The following GNG12 variants were observed in gnomAD, a reference collection of about 807,000 sequenced individuals.
The protein encoded by GNG12 is guanine nucleotide-binding protein G(I)/G(S)/G(O) subunit gamma-12.
For synonymous variants in GNG12, 28 were observed against 29.7 expected (o/e 0.94, Z 0.19); for missense variants, 69 against 83.8 (o/e 0.82, Z 0.69).
intron 1 of GNG12, among the ~76,000 whole-genome samples, chr1:67,780,425 T>C (rs1306955131): frequency 6.6e-6 from 1 of 152,142 alleles, no homozygotes; most frequent in Non-Finnish European, 1.5e-5. Context: ...TCTCCTATAT[T>C]TTAGATTTCC....
At chr1:67,814,871 T>G (rs551235852) in intron 1 of GNG12, among the ~76,000 whole-genome samples, 8 of 152,346 alleles carry the variant, frequency 5.3e-5, no homozygotes, top group African/African-American at 1.9e-4. Flanking sequence ...CTGTCTTCTG[T>G]AAAATGAACT....
At chr1:67,818,950 C>A (rs1570574076) in intron 1 of GNG12, among the ~76,000 whole-genome samples, 1 of 152,116 alleles carries the variant, frequency 6.6e-6, no homozygotes, top group African/African-American at 2.4e-5. Context: ...ATCTTCATTA[C>A]TAGACTGCGA....
rs373000301 is a variant in GNG12 at position 67,781,484 on chromosome 1, G to A, written c.-76-3977C>T. Among the ~76,000 whole-genome samples the A allele has an allele frequency of 1.1e-4, 16 of 152,074 alleles. No individual in the cohort carries two copies. In the East Asian group the frequency reaches 1.7e-3, roughly 16 times the overall value. On this transcript the variant is annotated intron_variant, in intron 1 of 3. Coordinates refer to ENST00000370982, the MANE Select transcript of GNG12 (RefSeq NM_018841.6). ...GACTTGAGGCCTTTACATTGTAATC[G>A]GGGACAGCAAACAAACACGTATACA...
chr1:67,725,989 CTTG>C (rs767109743), intron 2 of GNG12, among the ~76,000 whole-genome samples: 2 of 152,166 alleles, frequency 1.3e-5, no homozygotes, highest in Non-Finnish European at 2.9e-5. Flanking sequence ...AAACAACTTG[CTTG>C]TTAAGTTTTA....
At chr1:67,709,982 A>ATG (rs1381577897) in intron 2 of GNG12, among the ~76,000 whole-genome samples, 1 of 48,478 alleles carries the variant, frequency 2.1e-5, no homozygotes, top group Non-Finnish European at 3.7e-5. Flanking sequence ...AGTTATATAT[A>ATG]TATAGTTATA....
intron 2 of GNG12, among the ~76,000 whole-genome samples, chr1:67,729,420 T>TTA (rs1194844702): frequency 6.6e-6 from 1 of 152,238 alleles, no homozygotes; most frequent in Non-Finnish European, 1.5e-5. Context: ...ATAGCTTTTA[T>TTA]TACAGTTATC....
intron 2 of GNG12, among the ~76,000 whole-genome samples, chr1:67,729,367 G>A (rs1461704430): frequency 3.3e-5 from 5 of 152,150 alleles, no homozygotes; most frequent in African/African-American, 9.7e-5. Flanking sequence ...TACACAGGAG[G>A]CCAGTTCTTT....
chr1:67,807,175 A>G (rs2100804244), intron 1 of GNG12, among the ~76,000 whole-genome samples: 1 of 152,258 alleles, frequency 6.6e-6, no homozygotes, highest in Non-Finnish European at 1.5e-5. Context: ...TAAACAACAC[A>G]CTTCTATAAA....
At chr1:67,736,053 T>C (rs544204098) in intron 2 of GNG12, among the ~76,000 whole-genome samples, 30 of 151,800 alleles carry the variant, frequency 2.0e-4, no homozygotes, top group Admixed American at 2.6e-4. Flanking sequence ...TTGCGGGGGG[T>C]AGATTCTCAT....
chr1:67,772,852 TG>T (rs1557612546), intron 2 of GNG12, among the ~76,000 whole-genome samples: 1 of 152,166 alleles, frequency 6.6e-6, no homozygotes, highest in Admixed American at 6.5e-5. Flanking sequence ...GCTAGAAGTA[TG>T]GCAAAAGAGG....
intron 2 of GNG12, among the ~76,000 whole-genome samples, chr1:67,729,810 T>C (rs1269335883): frequency 2.6e-5 from 4 of 152,214 alleles, no homozygotes; most frequent in Non-Finnish European, 5.9e-5. Context: ...TCCCAGGGCT[T>C]CCTGAGATAA....
chr1:67,780,470 T>A (rs1646731272), intron 1 of GNG12, among the ~76,000 whole-genome samples: 1 of 152,174 alleles, frequency 6.6e-6, no homozygotes, highest in African/African-American at 2.4e-5. Context: ...GTTTGCAGAA[T>A]CCCTGAAGGT....
intron 1 of GNG12, among the ~76,000 whole-genome samples, chr1:67,807,017 AAC>A (rs1330704283): frequency 2.0e-5 from 3 of 152,184 alleles, no homozygotes; most frequent in Admixed American, 6.5e-5. Context: ...AACAGTCACT[AAC>A]AGAGACCACA....
At chr1:67,803,045 C>T (rs935536433) in intron 1 of GNG12, among the ~76,000 whole-genome samples, 3 of 152,208 alleles carry the variant, frequency 2.0e-5, no homozygotes, top group African/African-American at 7.2e-5. Context: ...GGGGGTCTAA[C>T]GTGGGCATTC....
intron 1 of GNG12, among the ~76,000 whole-genome samples, chr1:67,825,316 A>G (rs1040110257): frequency 6.6e-6 from 1 of 152,174 alleles, no homozygotes; most frequent in East Asian, 1.9e-4. Context: ...TGCATCTTTT[A>G]GTTTTTTTCA....
At chr1:67,769,543 A>G (rs2100751707) in intron 2 of GNG12, among the ~76,000 whole-genome samples, 1 of 152,308 alleles carries the variant, frequency 6.6e-6, no homozygotes, top group African/African-American at 2.4e-5. Context: ...ACGTTCTCAG[A>G]TCAAGAGAAA....
chr1:67,791,267 C>T (rs1306496542), intron 1 of GNG12, among the ~76,000 whole-genome samples: 1 of 152,106 alleles, frequency 6.6e-6, no homozygotes, highest in Non-Finnish European at 1.5e-5. Context: ...TTCTGATATA[C>T]CCATCCTTAG....
intron 1 of GNG12, among the ~76,000 whole-genome samples, chr1:67,824,868 T>C (rs927260058): frequency 2.0e-5 from 3 of 152,086 alleles, no homozygotes; most frequent in African/African-American, 7.2e-5. Context: ...TTCTGCCCTG[T>C]GTTATATTAC....
chr1:67,800,916 T>C (rs1277074930), intron 1 of GNG12, among the ~76,000 whole-genome samples: 2 of 152,172 alleles, frequency 1.3e-5, no homozygotes, highest in African/African-American at 4.8e-5. Flanking sequence ...AAGTATTTAA[T>C]AAATGTTCTT....
Sources: allele counts gnomAD v4.1 joint callset (sites outside exome capture counted in the v4.1 genomes callset), GRCh38; gene constraint gnomAD v4.1.1; transcripts MANE v1.5; gene names NCBI Gene and HGNC (gene_info 2026-07-23, HGNC 2026-07-21).